The following KCNN2 variants were observed in gnomAD, a reference collection of about 807,000 sequenced individuals.
The protein encoded by KCNN2 is potassium calcium-activated channel subfamily N member 2.
A neutral mutation model predicts 55.5 loss-of-function variants in KCNN2; 24 were observed. That is an observed-to-expected ratio of 0.43 (90% confidence interval 0.31 to 0.61). The LOEUF (loss-of-function observed/expected upper bound fraction) is 0.61. Ranked by LOEUF, KCNN2 falls within the 20% of genes least tolerant of loss-of-function variation. The probability of loss-of-function intolerance (pLI) is 0.08; values close to 1 mark genes in which losing one functional copy is unlikely to be tolerated. For missense variants in KCNN2, 754 were observed against 853.6 expected (o/e 0.88, Z 1.45); for synonymous variants, 431 against 336.1 (o/e 1.28, Z -3.09).
rs1313241819 is a variant in KCNN2, at chr5:114,362,472, C to G, written c.333C>G (p.Ser111=). ...CCTCCTCGCCGCTGTCGGGCTCGTC[C>G]TGCTGCTGCTGCTGCTGCTCGTCGC... ...TRTSSPLSGS[S]CCCCCCSSRR... The change falls in exon 1 of 8, where the codon TCC becomes TCG. Residue 111 remains serine (S), a synonymous_variant. Transcript: ENST00000673685. The G allele has an allele frequency of 6.3e-6, 2 of 317,134 alleles. No homozygotes were observed. Among genetic ancestry groups the G allele is most frequent in the Non-Finnish European group, 5.8e-6 (1 of 173,634 alleles). The allele number at this position is 317,134 out of a possible 1,614,324, so 19.6% of individuals were successfully genotyped here.
intron 1 of KCNN2, among the ~76,000 whole-genome samples, chr5:114,128,759 T>C (rs578002821): frequency 1.3e-5 from 2 of 152,284 alleles, no homozygotes; most frequent in Non-Finnish European, 2.9e-5. Context: ...TTCTAACTGA[T>C]ACTTAAAATC....
At chr5:114,377,343 A>C (rs1757975934) in intron 2 of KCNN2, among the ~76,000 whole-genome samples, 1 of 152,198 alleles carries the variant, frequency 6.6e-6, no homozygotes, top group Non-Finnish European at 1.5e-5. Flanking sequence ...AGGATCCCTG[A>C]TGCTCTCTAA....
chr5:114,451,403 C>A (rs931702007), intron 3 of KCNN2, among the ~76,000 whole-genome samples: 1 of 151,992 alleles, frequency 6.6e-6, no homozygotes, highest in African/African-American at 2.4e-5. Flanking sequence ...GAAAAGAAAC[C>A]GGACATTTTA....
At chr5:114,295,845 C>T (rs1046300377) in intron 2 of KCNN2, among the ~76,000 whole-genome samples, 3 of 152,034 alleles carry the variant, frequency 2.0e-5, no homozygotes, top group African/African-American at 7.3e-5. Context: ...CATCTTGGCT[C>T]CACCACAATA....
At chr5:114,063,958 G>A (rs1193763646) in intron 1 of KCNN2, among the ~76,000 whole-genome samples, 1 of 152,216 alleles carries the variant, frequency 6.6e-6, no homozygotes, top group Non-Finnish European at 1.5e-5. Context: ...GGCAATGCCA[G>A]CTAGAGCCTT....
At chr5:114,451,781 C>G (rs1337788582) in intron 3 of KCNN2, among the ~76,000 whole-genome samples, 1 of 151,752 alleles carries the variant, frequency 6.6e-6, no homozygotes, top group Non-Finnish European at 1.5e-5. Flanking sequence ...CCTGTAGTCT[C>G]AGCTACTTGG....
chr5:114,135,603 A>G (rs1752158239), intron 1 of KCNN2, among the ~76,000 whole-genome samples: 2 of 152,220 alleles, frequency 1.3e-5, no homozygotes, highest in Admixed American at 1.3e-4. Context: ...ATGCCCGTGT[A>G]TAAAGCCCAC....
intron 2 of KCNN2, among the ~76,000 whole-genome samples, chr5:114,355,489 T>C (rs1373557901): frequency 1.3e-5 from 2 of 152,206 alleles, no homozygotes; most frequent in Non-Finnish European, 2.9e-5. Context: ...CACCTCAGTA[T>C]TTAGGGCTAG....
At chr5:114,074,318 G>GTA (rs1750640455) in intron 1 of KCNN2, among the ~76,000 whole-genome samples, 1 of 147,432 alleles carries the variant, frequency 6.8e-6, no homozygotes, top group Admixed American at 6.7e-5. Context: ...GTGTGTGTGT[G>GTA]TGTGTGTGTG....
chr5:114,146,951 G>T (rs555093127), intron 1 of KCNN2, among the ~76,000 whole-genome samples: 1 of 152,286 alleles, frequency 6.6e-6, no homozygotes, highest in East Asian at 1.9e-4. Context: ...ACAGATTAGT[G>T]TCAGCAATAT....
chr5:114,132,148 G>A (rs952742384), intron 1 of KCNN2, among the ~76,000 whole-genome samples: 10 of 152,080 alleles, frequency 6.6e-5, no homozygotes, highest in Non-Finnish European at 2.9e-5. Context: ...GATCCCATTT[G>A]TCAATTTTGG....
At chr5:114,290,747 C>T (rs1019979702) in intron 2 of KCNN2, among the ~76,000 whole-genome samples, 32 of 152,002 alleles carry the variant, frequency 2.1e-4, no homozygotes, top group African/African-American at 7.0e-4. Flanking sequence ...CTCTGAACAC[C>T]GCTTTTACTG....
At chr5:114,417,521 C>A (rs1759342114) in intron 3 of KCNN2, among the ~76,000 whole-genome samples, 1 of 152,130 alleles carries the variant, frequency 6.6e-6, no homozygotes, top group East Asian at 1.9e-4. Flanking sequence ...CTCCTCTTAA[C>A]CATCATTCAC....
chr5:114,371,895 T>C (rs1392919900), intron 2 of KCNN2, among the ~76,000 whole-genome samples: 1 of 152,140 alleles, frequency 6.6e-6, no homozygotes, highest in Non-Finnish European at 1.5e-5. Flanking sequence ...AAATGCTATA[T>C]TATGCCGACT....
rs537913762 is a variant in KCNN2 at position 114,388,127 on chromosome 5, A to G, written c.1219-16311A>G. Among the ~76,000 whole-genome samples the G allele has an allele frequency of 7.9e-4, 120 of 152,268 alleles. 1 individual carries two copies. The South Asian group carries it at 0.011, about 14-fold the overall frequency. On this transcript the variant is annotated intron_variant, in intron 2 of 7. Coordinates refer to ENST00000673685, the MANE Select transcript of KCNN2 (RefSeq NM_021614.4). Reference sequence around the variant, plus strand: ...TTTACAACTTGCTTTTTTGTACTCAACATAATGTTTTGGATGTATAGTTTG... The same window carrying G: ...TTTACAACTTGCTTTTTTGTACTCAGCATAATGTTTTGGATGTATAGTTTG...
chr5:114,084,399 T>C (rs944055855), intron 1 of KCNN2, among the ~76,000 whole-genome samples: 3 of 152,100 alleles, frequency 2.0e-5, no homozygotes, highest in African/African-American at 7.2e-5. Context: ...TCACTGTTGC[T>C]TTAATATGCA....
chr5:114,193,961 C>T (rs552203927), intron 1 of KCNN2, among the ~76,000 whole-genome samples: 33 of 152,152 alleles, frequency 2.2e-4, no homozygotes, highest in African/African-American at 7.5e-4. Flanking sequence ...GATTGTGTAA[C>T]CATCACCACA....
At chr5:114,158,772 A>G (rs1238793796) in intron 1 of KCNN2, among the ~76,000 whole-genome samples, 1 of 151,900 alleles carries the variant, frequency 6.6e-6, no homozygotes, top group Non-Finnish European at 1.5e-5. Context: ...GCAATTGTGA[A>G]TGGGAGTTCA....
At chr5:114,457,032 C>T (rs1459582623) in intron 3 of KCNN2, among the ~76,000 whole-genome samples, 1 of 152,172 alleles carries the variant, frequency 6.6e-6, no homozygotes, top group South Asian at 2.1e-4. Context: ...AGCTGTGTCA[C>T]GGTTTGGGAG....
Sources: gnomAD v4.1 joint callset for allele counts (sites outside exome capture counted in the v4.1 genomes callset) on GRCh38, gnomAD v4.1.1 for gene constraint, MANE v1.5 for transcripts, NCBI Gene and HGNC (gene_info 2026-07-23, HGNC 2026-07-21) for gene names.